Variants in MELK observed in about 807,000 individuals in gnomAD.
MELK encodes the protein maternal embryonic leucine zipper kinase.
In MELK, 81 loss-of-function variants were observed where a neutral mutation model predicts 85.0. That is an observed-to-expected ratio of 0.95 (90% CI 0.80 to 1.15). The LOEUF is 1.15. Ranked by LOEUF, MELK falls within the 50% of genes most tolerant of loss-of-function variation. MELK has a pLI of 0.00. For synonymous variants in MELK, 252 were observed against 265.0 expected (o/e 0.95, Z 0.48); for missense variants, 754 against 777.5 (o/e 0.97, Z 0.36).
At chr9:36,619,280 C>G (rs1827168783) in intron 8 of MELK, among the ~76,000 whole-genome samples, 1 of 152,166 alleles carries the variant, frequency 6.6e-6, no homozygotes, top group East Asian at 1.9e-4. Context: ...ATTCTTTAGG[C>G]AGTCCCTTGA....
In MELK at chr9:36,615,371, G is replaced by A. The variant is rs1322477894; in HGVS notation, c.666+7698G>A. On this transcript the variant is annotated intron_variant, in intron 8 of 17. Transcript: ENST00000298048. ...TGACCCCCCCACCTCCCTCCCGGTCGGCACGGCTGGCCGGGCGGGGGGCTG... is the reference window on the plus strand; with the variant it reads ...TGACCCCCCCACCTCCCTCCCGGTCAGCACGGCTGGCCGGGCGGGGGGCTG... Among the ~76,000 whole-genome samples, 51 of 129,576 alleles carry A rather than the reference G, an allele frequency of 3.9e-4. 1 individual carries two copies. The East Asian group carries it at 0.011, about 27-fold the overall frequency. The allele number at this position is 129,576 out of a possible 152,430, so 85.0% of individuals were successfully genotyped here.
At chr9:36,677,076 T>C (rs1261323303) in intron 17 of MELK, 84 bp from the exon 18 acceptor site, 1 of 1,166,204 alleles carries the variant, frequency 8.6e-7, no homozygotes, top group East Asian at 2.4e-5. Flanking sequence ...GTTCATTTCC[T>C]CCACTGGCCT....
Position 36,665,499 on chromosome 9 carries a change from T to A in MELK, c.1326T>A (p.Pro442=). ...AVKNEEYFMF[P]EPKTPVNKNQ... ...AGAATGAAGAGTACTTTATGTTTCC[T>A]GAGCCAAAGACTCCAGTTAATAAGA... The change falls in exon 14 of 18, where the codon CCT becomes CCA. Residue 442 remains proline (P), a synonymous_variant. Coordinates refer to ENST00000298048, the MANE Select transcript of MELK (RefSeq NM_014791.4). 6.2e-7 allele frequency: 1 copy of A among 1,613,960 alleles called. No individual in the cohort carries two copies. Among genetic ancestry groups the A allele is most frequent in the Non-Finnish European group, 8.5e-7 (1 of 1,179,904 alleles).
intron 10 of MELK, among the ~76,000 whole-genome samples, chr9:36,635,706 T>C (rs1367106285): frequency 6.6e-6 from 1 of 152,126 alleles, no homozygotes; most frequent in East Asian, 1.9e-4. Context: ...TGGTCTAATA[T>C]GCGTATATGT....
At chr9:36,586,237 C>T (rs752822219) in intron 3 of MELK, among the ~76,000 whole-genome samples, 2 of 151,176 alleles carry the variant, frequency 1.3e-5, no homozygotes, top group African/African-American at 2.4e-5. Flanking sequence ...CAGCTACTTG[C>T]GGGGCTGAGG....
intron 7 of MELK, among the ~76,000 whole-genome samples, chr9:36,606,322 T>A (rs1213079999): frequency 1.4e-5 from 2 of 146,792 alleles, no homozygotes; most frequent in Non-Finnish European, 3.0e-5. Context: ...TGTATAGGTG[T>A]GTATATAATA....
At chr9:36,647,047 G>C (rs1459275658) in intron 11 of MELK, among the ~76,000 whole-genome samples, 1 of 152,190 alleles carries the variant, frequency 6.6e-6, no homozygotes, top group Non-Finnish European at 1.5e-5. Context: ...TGATTTATCT[G>C]TTATTGAACA....
intron 10 of MELK, among the ~76,000 whole-genome samples, chr9:36,640,999 G>A (rs1020460942): frequency 1.3e-5 from 2 of 152,186 alleles, no homozygotes; most frequent in Admixed American, 6.5e-5. Flanking sequence ...CTTGTGCTGG[G>A]CAGACCTCTC....
intron 1 of MELK, among the ~76,000 whole-genome samples, chr9:36,578,494 C>T (rs1240176874): frequency 3.9e-5 from 6 of 152,076 alleles, no homozygotes; most frequent in South Asian, 2.1e-4. Context: ...TAGTTTGCTG[C>T]GCAAGAGAAA....
intron 8 of MELK, among the ~76,000 whole-genome samples, chr9:36,612,117 A>G (rs1380190184): frequency 6.6e-6 from 1 of 151,818 alleles, no homozygotes; most frequent in Non-Finnish European, 1.5e-5. Flanking sequence ...TTTTTCTGTG[A>G]CAGAGTCTCG....
At chr9:36,593,318 G>T (rs1267236696) in intron 4 of MELK, among the ~76,000 whole-genome samples, 1 of 151,968 alleles carries the variant, frequency 6.6e-6, no homozygotes, top group Non-Finnish European at 1.5e-5. Context: ...AGTATTAAGA[G>T]GTGGGGCCCT....
chr9:36,607,144 A>G (rs1825638589), intron 7 of MELK, among the ~76,000 whole-genome samples: 1 of 152,254 alleles, frequency 6.6e-6, no homozygotes, highest in African/African-American at 2.4e-5. Context: ...ATAGAATTTT[A>G]TAGTACAACT....
chr9:36,584,167 G>T (rs1462696830), intron 3 of MELK, among the ~76,000 whole-genome samples: 2 of 151,144 alleles, frequency 1.3e-5, no homozygotes, highest in Non-Finnish European at 2.9e-5. Context: ...CACTACGCCC[G>T]GCTAATTTTT....
chr9:36,630,239 C>T (rs1564183278), intron 8 of MELK, 60 bp from the exon 9 acceptor site: 10 of 1,255,640 alleles, frequency 8.0e-6, no homozygotes, highest in Non-Finnish European at 1.2e-5. Flanking sequence ...ATGTTATTAC[C>T]TAAGGAATTT....
chr9:36,621,116 A>T (rs1192104684), intron 8 of MELK, among the ~76,000 whole-genome samples: 1 of 151,202 alleles, frequency 6.6e-6, no homozygotes, highest in Non-Finnish European at 1.5e-5. Context: ...TAAAAATACA[A>T]AAAAATTTAG....
intron 16 of MELK, among the ~76,000 whole-genome samples, chr9:36,671,729 G>A (rs566936144): frequency 2.0e-5 from 3 of 152,290 alleles, no homozygotes; most frequent in African/African-American, 7.2e-5. Context: ...ATTTAGTCAA[G>A]GAAGGAAAGG....
In MELK at chr9:36,633,170, C is replaced by A. The variant is rs1189044826; in HGVS notation, c.804C>A (p.Asn268Lys). The change falls in exon 10 of 18, where the codon AAC (asparagine) becomes AAA (lysine). Residue 268 changes from asparagine (N) to lysine (K), a missense_variant. Coordinates refer to ENST00000298048, the MANE Select transcript of MELK (RefSeq NM_014791.4). ...LNHPWIMQDYNYPVEWQSKNP... is the reference protein window; with the variant it reads ...LNHPWIMQDYKYPVEWQSKNP... ...ATCCCTGGATCATGCAAGATTACAA[C>A]TATCCTGTTGAGTGGCAAAGCAAGA... is the stretch of plus-strand genomic sequence containing the variant. The A allele has an allele frequency of 1.9e-6, 3 of 1,605,934 alleles. No homozygotes were observed. Among genetic ancestry groups the A allele is most frequent in the Non-Finnish European group, 2.5e-6 (3 of 1,178,338 alleles).
At chr9:36,637,477 A>G (rs751368118) in intron 10 of MELK, among the ~76,000 whole-genome samples, 4 of 152,264 alleles carry the variant, frequency 2.6e-5, no homozygotes, top group Non-Finnish European at 5.9e-5. Flanking sequence ...TGATTGAAAC[A>G]AATGAAGAAA....
At position 36,581,713 on chromosome 9, in the gene MELK, A is replaced by G. The variant is rs762250293; in HGVS notation, c.32A>G (p.Tyr11Cys). 1.9e-6 allele frequency: 3 copies of G among 1,597,346 alleles called. No individual in the cohort carries two copies. The highest frequency in any genetic ancestry group is 2.6e-6 in the Non-Finnish European group (3 of 1,165,958). ...GATTATGATGAACTTCTCAAATATT[A>G]TGAATTACATGAAACTATTGGGACA... MKDYDELLKYYELHETIGTGG... is the reference protein window; with the variant it reads MKDYDELLKYCELHETIGTGG... The change falls in exon 2 of 18, where the codon TAT becomes TGT. Residue 11 changes from tyrosine to cysteine, a missense_variant. Tyr to Cys is a radical substitution (Grantham distance 194). Transcript: ENST00000298048.
Sources: gnomAD v4.1 joint callset for allele counts (sites outside exome capture counted in the v4.1 genomes callset) on GRCh38, gnomAD v4.1.1 for gene constraint, MANE v1.5 for transcripts, NCBI Gene and HGNC (gene_info 2026-07-23, HGNC 2026-07-21) for gene names.